The following TMEM108 variants were observed in gnomAD, a reference collection of about 807,000 sequenced individuals.
TMEM108 encodes the protein transmembrane protein 108, also known as cancer/testis antigen 124.
In TMEM108, 12 loss-of-function variants were observed where a neutral mutation model predicts 35.1. The observed-to-expected ratio is 0.34, with a 90% CI of 0.22 to 0.55. The LOEUF is 0.55. Among genes scored for constraint, TMEM108 ranks in the 20% least tolerant of loss-of-function variants. The pLI, the probability that TMEM108 is intolerant of heterozygous loss-of-function variation, is 0.89. For missense variants in TMEM108, 680 were observed against 753.3 expected (o/e 0.90, Z 1.14); for synonymous variants, 287 against 308.6 (o/e 0.93, Z 0.73).
At chr3:133,087,674 G>A (rs1170409297) in intron 2 of TMEM108, among the ~76,000 whole-genome samples, 1 of 152,150 alleles carries the variant, frequency 6.6e-6, no homozygotes, top group Non-Finnish European at 1.5e-5. Flanking sequence ...GGGCTCCCTG[G>A]CGTTGTTGGT....
chr3:133,089,185 A>G (rs1036990386), intron 2 of TMEM108, among the ~76,000 whole-genome samples: 1 of 152,190 alleles, frequency 6.6e-6, no homozygotes, highest in Non-Finnish European at 1.5e-5. Context: ...ACCTCCCACC[A>G]GGCCCCTCCT....
In TMEM108 at chr3:133,101,433, C is replaced by T. The variant is rs575596977; in HGVS notation, c.-47+55413C>T. On this transcript the variant is annotated intron_variant, in intron 2 of 5. Transcript: ENST00000321871. ...ACGTGATCCTTCTTACATAGGAATTCATCACATCAGTGGCTCCTCTGTAGC... is the reference window on the plus strand; with the variant it reads ...ACGTGATCCTTCTTACATAGGAATTTATCACATCAGTGGCTCCTCTGTAGC... Among the ~76,000 whole-genome samples, 4 of 152,314 alleles carry T rather than the reference C, an allele frequency of 2.6e-5. No individual in the cohort carries two copies. In the East Asian group the frequency reaches 5.8e-4, roughly 22 times the overall value.
chr3:133,093,450 CAG>C (rs1943974113), intron 2 of TMEM108, among the ~76,000 whole-genome samples: 1 of 151,812 alleles, frequency 6.6e-6, no homozygotes. Flanking sequence ...GGTGTGCAAA[CAG>C]AAAGTCCAGA....
chr3:133,373,202 A>G (rs2072727641), intron 3 of TMEM108, among the ~76,000 whole-genome samples: 2 of 152,080 alleles, frequency 1.3e-5, no homozygotes, highest in Admixed American at 6.5e-5. Flanking sequence ...TTCAAAAATT[A>G]GCTGGGCACA....
chr3:133,067,558 A>G (rs1190641530), intron 2 of TMEM108, among the ~76,000 whole-genome samples: 1 of 152,204 alleles, frequency 6.6e-6, no homozygotes, highest in Non-Finnish European at 1.5e-5. Flanking sequence ...AAAATTTAGA[A>G]CACATTTCAA....
intron 3 of TMEM108, among the ~76,000 whole-genome samples, chr3:133,368,720 A>G (rs1288360641): frequency 6.6e-6 from 1 of 152,234 alleles, no homozygotes; most frequent in Non-Finnish European, 1.5e-5. Context: ...CAAAGAAATA[A>G]ACATCTATGA....
chr3:133,158,465 T>TAAAAAAAAAAAAAA (rs11328701), intron 2 of TMEM108, among the ~76,000 whole-genome samples: 1 of 80,616 alleles, frequency 1.2e-5, no homozygotes. Flanking sequence ...AGACTCTGTC[T>TAAAAAAAAAAAAAA]AAAAAAAAAA....
chr3:133,146,739 A>G (rs559414084), intron 2 of TMEM108, among the ~76,000 whole-genome samples: 5 of 152,280 alleles, frequency 3.3e-5, no homozygotes, highest in Admixed American at 1.3e-4. Flanking sequence ...TAGATTTTCT[A>G]GTTTATTTGC....
intron 3 of TMEM108, among the ~76,000 whole-genome samples, chr3:133,323,200 G>A (rs144932374): frequency 1.3e-3 from 194 of 152,156 alleles, no homozygotes; most frequent in African/African-American, 4.5e-3. Context: ...CATCCAAATC[G>A]GTAAAGAGTA....
intron 4 of TMEM108, chr3:133,388,612 C>G (rs2073189053): frequency 1.0e-6 from 1 of 985,252 alleles, no homozygotes. Flanking sequence ...TAAAAAGGAT[C>G]TAGAAGACTG....
At chr3:133,133,475 A>C (rs1377828627) in intron 2 of TMEM108, among the ~76,000 whole-genome samples, 1 of 152,210 alleles carries the variant, frequency 6.6e-6, no homozygotes, top group Non-Finnish European at 1.5e-5. Context: ...TACTGGGGAA[A>C]CAGAAAATCT....
At chr3:133,123,107 ATGGATTCCATTG>A (rs1944374430) in intron 2 of TMEM108, among the ~76,000 whole-genome samples, 1 of 152,198 alleles carries the variant, frequency 6.6e-6, no homozygotes, top group Non-Finnish European at 1.5e-5. Context: ...GGATACATAT[ATGGATTCCATTG>A]TGGATATGTT....
intron 2 of TMEM108, among the ~76,000 whole-genome samples, chr3:133,219,365 T>A (rs1945954868): frequency 6.6e-6 from 1 of 152,082 alleles, no homozygotes; most frequent in Non-Finnish European, 1.5e-5. Context: ...GCTTTGGCCT[T>A]TATTATTTCC....
intron 2 of TMEM108, among the ~76,000 whole-genome samples, chr3:133,166,818 C>T (rs1380718920): frequency 2.0e-5 from 3 of 152,200 alleles, no homozygotes; most frequent in African/African-American, 4.8e-5. Context: ...TGGAAGGGCA[C>T]CTGAGTGGGT....
At chr3:133,280,470 T>A (rs1946897637) in intron 3 of TMEM108, among the ~76,000 whole-genome samples, 1 of 152,192 alleles carries the variant, frequency 6.6e-6, no homozygotes, top group South Asian at 2.1e-4. Flanking sequence ...GTTTTTCCCA[T>A]TTTCCCATTC....
intron 3 of TMEM108, among the ~76,000 whole-genome samples, chr3:133,322,958 C>T (rs1408674652): frequency 6.6e-6 from 1 of 152,106 alleles, no homozygotes; most frequent in African/African-American, 2.4e-5. Context: ...CAAAATCCAG[C>T]ATCCTTTATG....
At chr3:133,373,201 T>C (rs1453212251) in intron 3 of TMEM108, among the ~76,000 whole-genome samples, 2 of 152,048 alleles carry the variant, frequency 1.3e-5, no homozygotes, top group African/African-American at 2.4e-5. Context: ...TTTCAAAAAT[T>C]AGCTGGGCAC....
intron 2 of TMEM108, among the ~76,000 whole-genome samples, chr3:133,221,261 C>A (rs1364305370): frequency 6.6e-6 from 1 of 152,064 alleles, no homozygotes; most frequent in Non-Finnish European, 1.5e-5. Flanking sequence ...GACCAGCCCC[C>A]ACCCAGGAGC....
chr3:133,368,003 T>A (rs570314266), intron 3 of TMEM108, among the ~76,000 whole-genome samples: 33 of 152,322 alleles, frequency 2.2e-4, no homozygotes, highest in Admixed American at 1.7e-3. Context: ...TTTGGAGAAT[T>A]TGAAGCTAAG....
Sources: gnomAD v4.1 joint callset for allele counts (sites outside exome capture counted in the v4.1 genomes callset) on GRCh38, gnomAD v4.1.1 for gene constraint, MANE v1.5 for transcripts, NCBI Gene and HGNC (gene_info 2026-07-23, HGNC 2026-07-21) for gene names.